The following PRELID2 variants were observed in gnomAD, a reference collection of about 807,000 sequenced individuals.
PRELID2 encodes the protein PRELI domain containing 2.
Under a neutral mutation model 28.4 loss-of-function variants are expected in PRELID2, and 25 were observed. The ratio of observed to expected loss-of-function variants is 0.88; its 90% CI spans 0.64 to 1.23. The LOEUF (loss-of-function observed/expected upper bound fraction) is 1.23. Ranked by LOEUF, PRELID2 falls within the 50% of genes most tolerant of loss-of-function variation. The pLI is 0.00. For missense variants in PRELID2, 201 were observed against 214.4 expected (o/e 0.94, Z 0.39); for synonymous variants, 76 against 71.6 (o/e 1.06, Z -0.31).
the PRELID2 span, among the ~76,000 whole-genome samples, chr5:145,270,280 C>G: frequency 1.3e-5 from 2 of 152,066 alleles, no homozygotes; most frequent in African/African-American, 4.8e-5. Flanking sequence ...CTAAAATACA[C>G]TTACAAAAAT....
At chr5:145,761,376 T>G (rs990253158) in intron 6 of PRELID2, among the ~76,000 whole-genome samples, 5 of 152,236 alleles carry the variant, frequency 3.3e-5, no homozygotes, top group Non-Finnish European at 5.9e-5. Flanking sequence ...CTGTTGCTGG[T>G]ATTTTAACTT....
At chr5:145,677,469 T>C (rs1014874750) in intron 1 of PRELID2, among the ~76,000 whole-genome samples, 2 of 152,092 alleles carry the variant, frequency 1.3e-5, no homozygotes, top group Admixed American at 6.6e-5. Flanking sequence ...TTATGTTTTT[T>C]AGGAATTGTT....
chr5:145,424,111 G>A, the PRELID2 span, among the ~76,000 whole-genome samples: 26 of 150,656 alleles, frequency 1.7e-4, no homozygotes, highest in South Asian at 4.2e-4. Flanking sequence ...CTCCAGCTGC[G>A]TGCTGGGAGA....
chr5:145,364,330 C>T, the PRELID2 span, among the ~76,000 whole-genome samples: 1 of 151,938 alleles, frequency 6.6e-6, no homozygotes, highest in African/African-American at 2.4e-5. Context: ...CTATTTGACT[C>T]TAATTTCTAG....
the PRELID2 span, among the ~76,000 whole-genome samples, chr5:145,237,091 T>C: frequency 6.6e-6 from 1 of 152,148 alleles, no homozygotes. Context: ...CTTGTTCTTC[T>C]GTCCTCTACC....
intron 1 of PRELID2, among the ~76,000 whole-genome samples, chr5:145,675,983 G>T (rs1173654020): frequency 6.6e-6 from 1 of 151,328 alleles, no homozygotes; most frequent in Admixed American, 6.6e-5. Context: ...CACTTTGGGA[G>T]GCCAAGGCGG....
At chr5:145,299,218 A>G in the PRELID2 span, among the ~76,000 whole-genome samples, 1 of 152,168 alleles carries the variant, frequency 6.6e-6, no homozygotes, top group African/African-American at 2.4e-5. Context: ...TAACATAACA[A>G]TATCATTCCC....
At chr5:145,518,391 G>A (rs1202650386) in intron 1 of PRELID2, among the ~76,000 whole-genome samples, 1 of 151,834 alleles carries the variant, frequency 6.6e-6, no homozygotes, top group East Asian at 1.9e-4. Flanking sequence ...GTAGAGATGG[G>A]GTTTTACCAT....
the PRELID2 span, among the ~76,000 whole-genome samples, chr5:145,230,882 T>C: frequency 6.6e-6 from 1 of 152,212 alleles, no homozygotes; most frequent in Non-Finnish European, 1.5e-5. Flanking sequence ...GGCCGCAGTT[T>C]CTTAACACAT....
At chr5:145,280,812 A>C in the PRELID2 span, among the ~76,000 whole-genome samples, 15 of 151,848 alleles carry the variant, frequency 9.9e-5, no homozygotes, top group Non-Finnish European at 1.8e-4. Context: ...TGAAAAAAAA[A>C]AAAAACAGAT....
intron 1 of PRELID2, among the ~76,000 whole-genome samples, chr5:145,618,595 G>A (rs1753732251): frequency 6.6e-6 from 1 of 152,178 alleles, no homozygotes; most frequent in Non-Finnish European, 1.5e-5. Flanking sequence ...ACAGGAAGGT[G>A]AAATGGGCTG....
At chr5:145,681,076 C>T (rs1057020631) in intron 1 of PRELID2, among the ~76,000 whole-genome samples, 1 of 152,204 alleles carries the variant, frequency 6.6e-6, no homozygotes, top group African/African-American at 2.4e-5. Context: ...GCAGTGGCCT[C>T]TTCACTCCGG....
At chr5:145,560,820 G>A (rs1752919473) in intron 1 of PRELID2, among the ~76,000 whole-genome samples, 1 of 152,156 alleles carries the variant, frequency 6.6e-6, no homozygotes, top group South Asian at 2.1e-4. Context: ...CTTTCCCAGT[G>A]CAGTTAGGGC....
the PRELID2 span, among the ~76,000 whole-genome samples, chr5:145,375,997 A>G: frequency 6.6e-6 from 1 of 152,204 alleles, no homozygotes; most frequent in Non-Finnish European, 1.5e-5. Context: ...AAATGCTTCC[A>G]GCTTTTGCCG....
At chr5:145,441,829 T>A in the PRELID2 span, among the ~76,000 whole-genome samples, 1 of 152,146 alleles carries the variant, frequency 6.6e-6, no homozygotes, top group South Asian at 2.1e-4. Context: ...CTGCTGACTC[T>A]AAGAATCACA....
chr5:145,797,455 A>G (rs1752837947), intron 4 of PRELID2, among the ~76,000 whole-genome samples: 1 of 152,146 alleles, frequency 6.6e-6, no homozygotes, highest in Non-Finnish European at 1.5e-5. Flanking sequence ...GAAAAGTGCT[A>G]ACTGTGCATC....
the PRELID2 span, among the ~76,000 whole-genome samples, chr5:145,354,352 G>A: frequency 6.6e-6 from 1 of 152,036 alleles, no homozygotes; most frequent in Non-Finnish European, 1.5e-5. Flanking sequence ...TTTTATTTTG[G>A]TGGTGTACGA....
At chr5:145,564,960 G>T (rs542997078) in intron 1 of PRELID2, among the ~76,000 whole-genome samples, 2 of 152,074 alleles carry the variant, frequency 1.3e-5, no homozygotes, top group Non-Finnish European at 2.9e-5. Flanking sequence ...ACCCTGCTTC[G>T]GCTCACCCTC....
intron 1 of PRELID2, among the ~76,000 whole-genome samples, chr5:145,546,961 G>A (rs1049880009): frequency 8.5e-5 from 13 of 152,100 alleles, no homozygotes; most frequent in African/African-American, 2.9e-4. Context: ...CTGTTAAAGC[G>A]GGAGTAATAC....
Sources: gnomAD v4.1 joint callset for allele counts (sites outside exome capture counted in the v4.1 genomes callset) on GRCh38, gnomAD v4.1.1 for gene constraint, MANE v1.5 for transcripts, NCBI Gene and HGNC (gene_info 2026-07-23, HGNC 2026-07-21) for gene names.